The following CACNA2D4 variants were observed in gnomAD, a reference collection of about 807,000 sequenced individuals.
CACNA2D4 encodes calcium voltage-gated channel auxiliary subunit alpha2delta 4.
A neutral mutation model predicts 163.8 loss-of-function variants in CACNA2D4; 157 were observed. The observed-to-expected ratio is 0.96, with a 90% CI of 0.84 to 1.09. The LOEUF (loss-of-function observed/expected upper bound fraction) is 1.09, where lower values mean the gene tolerates loss of function less well. CACNA2D4 is among the 50% of genes least tolerant of loss of function. The pLI, the probability that CACNA2D4 is intolerant of heterozygous loss-of-function variation, is 0.00. For missense variants in CACNA2D4, 1,410 were observed against 1,479.9 expected (o/e 0.95, Z 0.78); for synonymous variants, 598 against 586.9 (o/e 1.02, Z -0.27).
intron 35 of CACNA2D4, 134 bp downstream of exon 35, chr12:1,797,284 T>A: frequency 1.4e-6 from 1 of 695,000 alleles, no homozygotes; most frequent in South Asian, 1.7e-5. Context: ...GAGCGTGGGC[T>A]CTGCACTTAG....
chr12:1,911,918 G>A (rs896096044), intron 3 of CACNA2D4, among the ~76,000 whole-genome samples: 1 of 152,220 alleles, frequency 6.6e-6, no homozygotes, highest in African/African-American at 2.4e-5. Flanking sequence ...TTCCTGCTGT[G>A]GTGTGTGATT....
chr12:1,886,402 TG>T, intron 7 of CACNA2D4, 29 bp from the exon 8 acceptor site: 1 of 1,606,396 alleles, frequency 6.2e-7, no homozygotes, highest in Non-Finnish European at 8.5e-7. Flanking sequence ...ATGCCCAAGA[TG>T]GGAAAACCAA....
intron 23 of CACNA2D4, among the ~76,000 whole-genome samples, chr12:1,850,748 C>CA (rs1221037964): frequency 2.0e-5 from 3 of 151,976 alleles, no homozygotes; most frequent in Non-Finnish European, 1.5e-5. Flanking sequence ...ACTAAAAATA[C>CA]AAAAAAATAC....
At position 1,834,743 on chromosome 12, in the gene CACNA2D4, G is replaced by A. The variant is rs1423744851; in HGVS notation, c.2551+5996C>T. On this transcript the variant is annotated intron_variant, in intron 26 of 37. Coordinates refer to ENST00000382722, the MANE Select transcript of CACNA2D4 (RefSeq NM_172364.5). The surrounding 1 kb of genome is among the most constrained non-coding windows in gnomAD (Gnocchi z 7.6). ...CTGAGCGCCCATCCCCACCCGGCCA[G>A]GTAGGAAGGGCGGGGAGAGCACACG... 8 of 1,565,686 alleles carry A rather than the reference G, an allele frequency of 5.1e-6. No individual in the cohort carries two copies. Among genetic ancestry groups the A allele is most frequent in the Non-Finnish European group, 6.0e-6 (7 of 1,158,016 alleles).
intron 18 of CACNA2D4, 90 bp from the exon 19 acceptor site, chr12:1,860,296 G>A (rs879800684): frequency 8.3e-5 from 76 of 920,458 alleles, no homozygotes; most frequent in South Asian, 3.3e-4. Context: ...GGTCTTCATC[G>A]TCACTGTACA....
In CACNA2D4 at chr12:1,818,199, G is replaced by A. The variant is rs371538360; in HGVS notation, c.2552-6476C>T. Among the ~76,000 whole-genome samples, 74 of 142,482 alleles carry A rather than the reference G, an allele frequency of 5.2e-4. 2 individuals carry two copies. In the South Asian group the frequency reaches 0.014, roughly 28 times the overall value. 93.5% of individuals were successfully genotyped at this position (142,482 alleles called of 152,430 possible). A position where few individuals can be genotyped will look rare whatever the true frequency, so the allele number is the denominator to read the frequency against. ...CCGCCCCGTCTGAGAAGTGAGGAGC[G>A]TCTCCGCCCGGCCGCCCCTACTGGG... On this transcript the variant is annotated intron_variant, in intron 26 of 37. Coordinates refer to ENST00000382722, the MANE Select transcript of CACNA2D4 (RefSeq NM_172364.5).
At position 1,833,365 on chromosome 12, in the gene CACNA2D4, T is replaced by C. The variant is rs536193641; in HGVS notation, c.2551+7374A>G. ...GGGCCAGAATCCAACTTTCACTTCC[T>C]AGGGGAGGTCTAGACAGATTATTGT... On this transcript the variant is annotated intron_variant, in intron 26 of 37. Coordinates refer to ENST00000382722, the MANE Select transcript of CACNA2D4 (RefSeq NM_172364.5). This position sits in a 1 kb window ranked among gnomAD's most constrained non-coding sequence, Gnocchi z 4.2. Among the ~76,000 whole-genome samples the C allele has an allele frequency of 2.6e-5, 4 of 152,266 alleles. No individual in the cohort carries two copies. The highest frequency in any genetic ancestry group is 9.6e-5 in the African/African-American group (4 of 41,554).
At chr12:1,854,732 C>T (rs1592713010) in intron 22 of CACNA2D4, among the ~76,000 whole-genome samples, 1 of 152,174 alleles carries the variant, frequency 6.6e-6, no homozygotes, top group East Asian at 1.9e-4. Context: ...CCTTGCCAAG[C>T]TCCTCCTTAC....
intron 23 of CACNA2D4, among the ~76,000 whole-genome samples, chr12:1,850,919 G>T (rs985185951): frequency 6.6e-6 from 1 of 150,922 alleles, no homozygotes; most frequent in East Asian, 1.9e-4. Context: ...GTCTTGCTCT[G>T]TTGCCCAGGC....
rs1458218518 is a variant in CACNA2D4, at chr12:1,795,142, GTCA to G, written c.3309+154_3309+156del. 4 of 628,478 alleles carry G rather than the reference GTCA, an allele frequency of 6.4e-6. No individual in the cohort carries two copies. In the African/African-American group the frequency reaches 7.3e-5, roughly 12 times the overall value. 38.9% of individuals were successfully genotyped at this position (628,478 alleles called of 1,614,324 possible). On this transcript the variant is annotated intron_variant, in intron 37 of 37. Coordinates refer to ENST00000382722, the MANE Select transcript of CACNA2D4 (RefSeq NM_172364.5). The stretch of plus-strand genomic sequence containing the variant: ...GATCTGTTTCTTATTATATCACAGT[GTCA>G]CAGGGCATAAACGCGAATGTTTCCC...
chr12:1,796,112 C>T (rs1385257421), intron 35 of CACNA2D4, among the ~76,000 whole-genome samples: 2 of 152,226 alleles, frequency 1.3e-5, no homozygotes, highest in Non-Finnish European at 2.9e-5. Context: ...AGCAAATGGG[C>T]GGGCGAGGCA....
chr12:1,808,722 G>A (rs756025005), intron 29 of CACNA2D4, among the ~76,000 whole-genome samples: 3 of 152,176 alleles, frequency 2.0e-5, no homozygotes, highest in Non-Finnish European at 4.4e-5. Context: ...CTGGGGACAC[G>A]GTCAGTCTCA....
intron 25 of CACNA2D4, among the ~76,000 whole-genome samples, chr12:1,842,720 G>A (rs1865055353): frequency 6.6e-6 from 1 of 152,046 alleles, no homozygotes; most frequent in South Asian, 2.1e-4. Flanking sequence ...CTGGGGCAGG[G>A]GCTGGGGCCT....
In CACNA2D4 at chr12:1,844,324, C is replaced by T; in HGVS notation, c.2470+78G>A. On this transcript the variant is annotated intron_variant, in intron 25 of 37. Coordinates refer to ENST00000382722, the MANE Select transcript of CACNA2D4 (RefSeq NM_172364.5). The surrounding 1 kb of genome is among the most constrained non-coding windows in gnomAD (Gnocchi z 4.2). Reference sequence around the variant, plus strand: ...TATTCCATATCTCGTTCCCATTTCCCACTAAGAGCACAGCAGGAGGAGAGA... The same window carrying T: ...TATTCCATATCTCGTTCCCATTTCCTACTAAGAGCACAGCAGGAGGAGAGA... The T allele has an allele frequency of 1.3e-6, 2 of 1,525,902 alleles. No individual in the cohort carries two copies. The highest frequency in any genetic ancestry group is 2.4e-5 in the South Asian group (2 of 83,194). The allele number at this position is 1,525,902 out of a possible 1,614,324, so 94.5% of individuals were successfully genotyped here.
intron 26 of CACNA2D4, among the ~76,000 whole-genome samples, chr12:1,818,453 G>A (rs1321187187): frequency 6.6e-6 from 1 of 151,494 alleles, no homozygotes; most frequent in Non-Finnish European, 1.5e-5. Context: ...TTGGGATCCT[G>A]TTGATCTGTG....
intron 27 of CACNA2D4, 50 bp downstream of exon 27, chr12:1,811,612 G>A (rs1355726235): frequency 6.5e-7 from 1 of 1,532,484 alleles, no homozygotes; most frequent in Non-Finnish European, 8.9e-7. Flanking sequence ...CTCACACCCA[G>A]GGGAGCGTGG....
rs76981989 is a variant in CACNA2D4, at chr12:1,815,995, C to A, written c.2552-4272G>T. On this transcript the variant is annotated intron_variant, in intron 26 of 37. Coordinates refer to ENST00000382722, the MANE Select transcript of CACNA2D4 (RefSeq NM_172364.5). ...TGAGTCAACGGTGTTCTGCCGTGCCCAACCGCTTGCATCCCCTGGCTTGCA... is the reference window on the plus strand; with the variant it reads ...TGAGTCAACGGTGTTCTGCCGTGCCAAACCGCTTGCATCCCCTGGCTTGCA... Among the ~76,000 whole-genome samples, 171 of 152,294 alleles carry A rather than the reference C, an allele frequency of 1.1e-3. 3 individuals carry two copies. In the East Asian group the frequency reaches 0.031, roughly 27 times the overall value.
intron 26 of CACNA2D4, among the ~76,000 whole-genome samples, chr12:1,821,642 G>T (rs1013865888): frequency 2.0e-5 from 3 of 152,166 alleles, no homozygotes; most frequent in African/African-American, 7.2e-5. Context: ...AGCGGGGCCA[G>T]GCCTGCCTGG....
chr12:1,914,997 C>T (rs1396842669), intron 1 of CACNA2D4, 62 bp from the exon 2 acceptor site: 21 of 1,225,112 alleles, frequency 1.7e-5, no homozygotes, highest in African/African-American at 7.4e-5. Flanking sequence ...CAGAAACACA[C>T]GCGTAGACAT....
Sources: gnomAD v4.1 joint callset for allele counts (sites outside exome capture counted in the v4.1 genomes callset) on GRCh38, gnomAD v4.1.1 for gene constraint, Gnocchi (gnomAD v3.1) non-coding constraint, MANE v1.5 for transcripts, NCBI Gene and HGNC (gene_info 2026-07-23, HGNC 2026-07-21) for gene names.